Variants in DYNC1I2 observed in about 807,000 individuals in gnomAD.
DYNC1I2 encodes cytoplasmic dynein 1 intermediate chain 2.
Under a neutral mutation model 88.6 loss-of-function variants are expected in DYNC1I2, and 53 were observed. The observed-to-expected ratio is 0.60, with a 90% CI of 0.48 to 0.75. The LOEUF is 0.75. Ranked by LOEUF, DYNC1I2 falls within the 30% of genes least tolerant of loss-of-function variation. The pLI, the probability that DYNC1I2 is intolerant of heterozygous loss-of-function variation, is 0.00. For missense variants in DYNC1I2, 458 were observed against 766.6 expected (o/e 0.60, Z 4.75); for synonymous variants, 198 against 254.6 (o/e 0.78, Z 2.12).
At chr2:171,694,723 G>T (rs1372007453) in intron 3 of DYNC1I2, among the ~76,000 whole-genome samples, 2 of 152,186 alleles carry the variant, frequency 1.3e-5, no homozygotes, top group Non-Finnish European at 2.9e-5. Flanking sequence ...TATGTTGCTG[G>T]CTTCTTGTGG....
intron 15 of DYNC1I2, among the ~76,000 whole-genome samples, chr2:171,740,882 A>C (rs752370631): frequency 2.6e-5 from 4 of 152,198 alleles, no homozygotes; most frequent in Non-Finnish European, 5.9e-5. Context: ...AGGCACGCCT[A>C]ATTGCCAGTA....
At chr2:171,702,459 C>T (rs1686333341) in intron 3 of DYNC1I2, among the ~76,000 whole-genome samples, 1 of 152,126 alleles carries the variant, frequency 6.6e-6, no homozygotes, top group Non-Finnish European at 1.5e-5. Context: ...GGATGAAGGC[C>T]ATGGCTTTCA....
intron 7 of DYNC1I2, among the ~76,000 whole-genome samples, chr2:171,721,727 T>C (rs1371327162): frequency 6.6e-6 from 1 of 152,160 alleles, no homozygotes; most frequent in Non-Finnish European, 1.5e-5. Flanking sequence ...GACTACCTTG[T>C]AAGTTAGGGA....
intron 15 of DYNC1I2, among the ~76,000 whole-genome samples, chr2:171,730,265 A>T (rs1688519676): frequency 6.6e-6 from 1 of 152,216 alleles, no homozygotes; most frequent in South Asian, 2.1e-4. Context: ...GTTGATGGGA[A>T]ATAGGGAAAA....
At chr2:171,701,321 C>T (rs1047250195) in intron 3 of DYNC1I2, among the ~76,000 whole-genome samples, 2 of 152,148 alleles carry the variant, frequency 1.3e-5, no homozygotes, top group Non-Finnish European at 2.9e-5. Context: ...AGACATCTGC[C>T]AACAAGCCCA....
chr2:171,725,896 T>G, intron 8 of DYNC1I2, 23 bp from the exon 9 acceptor site: 1 of 1,554,008 alleles, frequency 6.4e-7, no homozygotes, highest in African/African-American at 1.4e-5. Flanking sequence ...AAATCATACT[T>G]CAAAAAATTA....
chr2:171,715,277 A>G (rs1687406418), intron 6 of DYNC1I2, 51 bp from the exon 7 acceptor site: 3 of 1,154,342 alleles, frequency 2.6e-6, no homozygotes, highest in South Asian at 2.8e-5. Flanking sequence ...TTTTGAAAAT[A>G]ACATGGTTTG....
At chr2:171,700,829 C>T (rs1401362564) in intron 3 of DYNC1I2, among the ~76,000 whole-genome samples, 1 of 152,050 alleles carries the variant, frequency 6.6e-6, no homozygotes, top group Non-Finnish European at 1.5e-5. Context: ...GATGGGGTTT[C>T]ACCGTGTTAG....
intron 15 of DYNC1I2, among the ~76,000 whole-genome samples, chr2:171,742,796 G>T (rs16859800): frequency 0.016 from 2,482 of 152,258 alleles, 55 homozygotes; most frequent in African/African-American, 0.052. Flanking sequence ...TGAACTTACT[G>T]CTTTGTCTCT....
intron 7 of DYNC1I2, among the ~76,000 whole-genome samples, chr2:171,715,796 A>G (rs1687448515): frequency 6.6e-6 from 1 of 152,154 alleles, no homozygotes; most frequent in African/African-American, 2.4e-5. Flanking sequence ...ATTCTTCCCC[A>G]AAAGAGAGTG....
intron 16 of DYNC1I2, among the ~76,000 whole-genome samples, chr2:171,744,668 G>C (rs1182868404): frequency 6.6e-6 from 1 of 152,106 alleles, no homozygotes; most frequent in Non-Finnish European, 1.5e-5. Context: ...TTCTATGAAG[G>C]ATTGAAAACA....
intron 5 of DYNC1I2, among the ~76,000 whole-genome samples, chr2:171,708,942 C>T (rs762952457): frequency 6.6e-6 from 1 of 152,126 alleles, no homozygotes; most frequent in Non-Finnish European, 1.5e-5. Flanking sequence ...ATCCACCCAC[C>T]TTGGCCTCCG....
At chr2:171,730,929 C>G (rs114463602) in intron 15 of DYNC1I2, among the ~76,000 whole-genome samples, 85 of 152,250 alleles carry the variant, frequency 5.6e-4, no homozygotes, top group African/African-American at 2.0e-3. Context: ...TGCCTCCTTT[C>G]TGTCTGATAA....
intron 14 of DYNC1I2, among the ~76,000 whole-genome samples, chr2:171,729,093 G>A (rs934746401): frequency 3.3e-5 from 5 of 152,142 alleles, no homozygotes; most frequent in Non-Finnish European, 5.9e-5. Context: ...ACGTAAGTTA[G>A]TGATAGGCAG....
At chr2:171,733,645 T>C (rs1319943816) in intron 15 of DYNC1I2, among the ~76,000 whole-genome samples, 4 of 151,822 alleles carry the variant, frequency 2.6e-5, no homozygotes, top group African/African-American at 9.7e-5. Context: ...TCTTGTAAAT[T>C]TAAGTTCCTT....
intron 3 of DYNC1I2, among the ~76,000 whole-genome samples, chr2:171,696,596 T>C (rs959374609): frequency 4.6e-5 from 7 of 152,212 alleles, no homozygotes; most frequent in Non-Finnish European, 8.8e-5. Flanking sequence ...GATATTTGGG[T>C]TATATTTTTA....
At chr2:171,692,094 A>G (rs1685442254) in intron 2 of DYNC1I2, among the ~76,000 whole-genome samples, 1 of 152,212 alleles carries the variant, frequency 6.6e-6, no homozygotes, top group African/African-American at 2.4e-5. Context: ...TTTACATAAA[A>G]AAAACTTTTC....
At chr2:171,734,778 C>T (rs537658753) in intron 15 of DYNC1I2, among the ~76,000 whole-genome samples, 1 of 152,328 alleles carries the variant, frequency 6.6e-6, no homozygotes, top group South Asian at 2.1e-4. Context: ...TGTCAATTTA[C>T]ACTTCCTGGT....
At chr2:171,737,241 T>G (rs1445536947) in intron 15 of DYNC1I2, among the ~76,000 whole-genome samples, 1 of 152,174 alleles carries the variant, frequency 6.6e-6, no homozygotes, top group Non-Finnish European at 1.5e-5. Flanking sequence ...ATTTTTCTCT[T>G]TTTTTAAGGA....
Sources: allele counts gnomAD v4.1 joint callset (sites outside exome capture counted in the v4.1 genomes callset), GRCh38; gene constraint gnomAD v4.1.1; transcripts MANE v1.5; gene names NCBI Gene and HGNC (gene_info 2026-07-23, HGNC 2026-07-21).